Variants in RAD51B observed in about 807,000 individuals in gnomAD.
RAD51B encodes RAD51 paralog B.
In RAD51B, 38 loss-of-function variants were observed where a neutral mutation model predicts 42.2. That is an observed-to-expected ratio of 0.90 (90% confidence interval 0.70 to 1.18). The LOEUF (loss-of-function observed/expected upper bound fraction) is 1.18, where lower values mean the gene tolerates loss of function less well. RAD51B is among the 50% of genes most tolerant of loss of function. RAD51B has a pLI of 0.00. For synonymous variants in RAD51B, 154 were observed against 145.2 expected, an observed-to-expected ratio of 1.06 and a Z score of -0.43; for missense variants, 373 against 400.7, an observed-to-expected ratio of 0.93 and a Z score of 0.59.
intron 8 of RAD51B, among the ~76,000 whole-genome samples, chr14:68,400,601 A>G (rs1336662749): frequency 6.6e-6 from 1 of 152,228 alleles, no homozygotes; most frequent in African/African-American, 2.4e-5. Context: ...AGCAAAGCTC[A>G]TACCAGGACA....
At chr14:68,498,244 A>C (rs1884679736) in intron 10 of RAD51B, among the ~76,000 whole-genome samples, 1 of 152,202 alleles carries the variant, frequency 6.6e-6, no homozygotes, top group East Asian at 1.9e-4. Context: ...TGAAGACACA[A>C]ATTTTTCACA....
rs2074911326 is a variant in RAD51B at position 67,972,201 on chromosome 14, G to A, written c.756+84997G>A. On this transcript the variant is annotated intron_variant, in intron 7 of 10. Coordinates refer to ENST00000471583, the MANE Select transcript of RAD51B (RefSeq NM_133510.4). ...CTCAGGTGGTGTCAGATAGCAGGCA[G>A]AAGACAGATGAGTAGCTAGTTCTCT... 2.0e-5 allele frequency among the ~76,000 whole-genome samples: 3 copies of A among 151,904 alleles called. No homozygotes were observed. In the East Asian group the frequency reaches 5.8e-4, roughly 29 times the overall value.
intron 8 of RAD51B, among the ~76,000 whole-genome samples, chr14:68,368,154 T>C (rs1465137265): frequency 6.6e-6 from 1 of 152,240 alleles, no homozygotes. Flanking sequence ...AGAAACCTAA[T>C]TGGGAAAGGA....
intron 10 of RAD51B, among the ~76,000 whole-genome samples, chr14:68,551,461 T>C (rs181358772): frequency 1.3e-5 from 2 of 152,362 alleles, no homozygotes; most frequent in Admixed American, 1.3e-4. Context: ...TGCTTTTGCT[T>C]AGGCTGTTCC....
intron 8 of RAD51B, among the ~76,000 whole-genome samples, chr14:68,387,689 A>T (rs550035420): frequency 9.8e-5 from 15 of 152,334 alleles, no homozygotes; most frequent in African/African-American, 3.6e-4. Flanking sequence ...GACTCAAAGA[A>T]GAGATGGAAC....
At chr14:67,874,500 C>T (rs1052648629) in intron 5 of RAD51B, among the ~76,000 whole-genome samples, 1 of 151,750 alleles carries the variant, frequency 6.6e-6, no homozygotes, top group Non-Finnish European at 1.5e-5. Context: ...CTTTTTCTTC[C>T]TCTGGGGCCC....
intron 7 of RAD51B, among the ~76,000 whole-genome samples, chr14:67,920,150 A>C (rs1199503675): frequency 1.3e-5 from 2 of 152,168 alleles, no homozygotes; most frequent in African/African-American, 4.8e-5. Context: ...AAAAAACTTT[A>C]GTTGTTAATT....
chr14:68,564,866 C>A (rs1290767531), intron 10 of RAD51B, among the ~76,000 whole-genome samples: 7 of 152,176 alleles, frequency 4.6e-5, no homozygotes, highest in African/African-American at 1.7e-4. Flanking sequence ...GCTGAGGGGA[C>A]CTCAGAGCAC....
intron 7 of RAD51B, among the ~76,000 whole-genome samples, chr14:67,993,135 T>A (rs2075323291): frequency 2.0e-5 from 3 of 152,206 alleles, no homozygotes; most frequent in Admixed American, 2.0e-4. Flanking sequence ...GTACATGAGA[T>A]ATTTTGATAC....
chr14:68,021,380 T>G (rs1425421345), intron 7 of RAD51B, among the ~76,000 whole-genome samples: 1 of 152,104 alleles, frequency 6.6e-6, no homozygotes, highest in Non-Finnish European at 1.5e-5. Context: ...TGATTGGAGG[T>G]CTGGCTCTCC....
At chr14:68,003,152 A>G (rs1321780483) in intron 7 of RAD51B, among the ~76,000 whole-genome samples, 1 of 152,176 alleles carries the variant, frequency 6.6e-6, no homozygotes, top group African/African-American at 2.4e-5. Context: ...GATTCTTCCT[A>G]TCCATGAGCA....
intron 9 of RAD51B, among the ~76,000 whole-genome samples, chr14:68,444,072 C>T (rs2085364260): frequency 6.6e-6 from 1 of 152,170 alleles, no homozygotes; most frequent in African/African-American, 2.4e-5. Flanking sequence ...CTTCATGATT[C>T]TATCTCTTAC....
intron 7 of RAD51B, among the ~76,000 whole-genome samples, chr14:68,241,790 C>T (rs1413340688): frequency 1.3e-5 from 2 of 152,110 alleles, no homozygotes; most frequent in Admixed American, 1.3e-4. Context: ...ATTCCCCTGC[C>T]CAGTCATGTC....
intron 7 of RAD51B, among the ~76,000 whole-genome samples, chr14:67,934,987 G>A (rs1174507039): frequency 6.6e-6 from 1 of 152,118 alleles, no homozygotes; most frequent in Non-Finnish European, 1.5e-5. Context: ...CTATCATATT[G>A]CCTGTTTACG....
chr14:67,886,140 T>A (rs947358049), intron 6 of RAD51B, 152 bp downstream of exon 6: 4 of 583,922 alleles, frequency 6.9e-6, no homozygotes, highest in African/African-American at 1.9e-5. Flanking sequence ...GCCTTTTGGT[T>A]GAAGTCTTTC....
At chr14:68,502,472 C>T (rs1348407227) in intron 10 of RAD51B, among the ~76,000 whole-genome samples, 3 of 152,210 alleles carry the variant, frequency 2.0e-5, no homozygotes, top group Non-Finnish European at 4.4e-5. Context: ...AACACAGATG[C>T]ACATTGCAGC....
chr14:67,848,207 T>C (rs1157587003), intron 4 of RAD51B, among the ~76,000 whole-genome samples: 1 of 152,082 alleles, frequency 6.6e-6, no homozygotes, highest in African/African-American at 2.4e-5. Flanking sequence ...TTAGTAGAGA[T>C]GGGGTTTCAC....
chr14:68,512,098 G>T (rs1166795252), intron 10 of RAD51B, among the ~76,000 whole-genome samples: 1 of 152,222 alleles, frequency 6.6e-6, no homozygotes, highest in Admixed American at 6.5e-5. Context: ...TTTGGGAAAC[G>T]CCTGCCCTCT....
At chr14:67,851,453 G>A (rs183342436) in intron 4 of RAD51B, among the ~76,000 whole-genome samples, 200 of 152,194 alleles carry the variant, frequency 1.3e-3, no homozygotes, top group African/African-American at 4.4e-3. Flanking sequence ...TGTAGGGGTC[G>A]GCTATGTGCA....
Sources: gnomAD v4.1 joint callset for allele counts (sites outside exome capture counted in the v4.1 genomes callset) on GRCh38, gnomAD v4.1.1 for gene constraint, MANE v1.5 for transcripts, NCBI Gene and HGNC (gene_info 2026-07-23, HGNC 2026-07-21) for gene names.